Variants in NRXN1 observed in about 807,000 individuals in gnomAD.
NRXN1 encodes neurexin 1, also known as neurexin-1.
In NRXN1, 39 loss-of-function variants were observed where a neutral mutation model predicts 150.9. The observed-to-expected ratio is 0.26, with a 90% CI of 0.20 to 0.34. NRXN1 has a LOEUF of 0.34. Ranked by LOEUF, NRXN1 falls within the 10% of genes least tolerant of loss-of-function variation. NRXN1 has a pLI of 1.00. For synonymous variants in NRXN1, 924 were observed against 757.0 expected, an observed-to-expected ratio of 1.22 and a Z score of -3.62; for missense variants, 1,815 against 1,949.9, an observed-to-expected ratio of 0.93 and a Z score of 1.30.
rs2078064741 is a variant in NRXN1 at position 50,347,151 on chromosome 2, G to A, written c.3365-110181C>T. ...CCGTGCCTAGCACCCCAAACAATCC[G>A]AAACATAGCCGAGGCGAATGCAGCT... On this transcript the variant is annotated intron_variant, in intron 17 of 22. Coordinates refer to ENST00000401669, the MANE Select transcript of NRXN1 (RefSeq NM_001330078.2). The surrounding 1 kb of genome is among the most constrained non-coding windows in gnomAD (Gnocchi z 4.9). 1 of 1,377,822 alleles carries A rather than the reference G, an allele frequency of 7.3e-7. No individual in the cohort carries two copies. 85.3% of individuals were successfully genotyped at this position (1,377,822 alleles called of 1,614,324 possible). A position where few individuals can be genotyped will look rare whatever the true frequency, so the allele number is the denominator to read the frequency against.
At chr2:50,202,523 CA>C (rs530092945) in intron 18 of NRXN1, among the ~76,000 whole-genome samples, 5 of 149,202 alleles carry the variant, frequency 3.4e-5, no homozygotes, top group East Asian at 3.9e-4. Flanking sequence ...CAAAACAAAA[CA>C]AAAAAAAAGG....
At chr2:50,752,567 C>T (rs1021290050) in intron 5 of NRXN1, among the ~76,000 whole-genome samples, 2 of 151,730 alleles carry the variant, frequency 1.3e-5, no homozygotes, top group Non-Finnish European at 2.9e-5. Context: ...CCATCCTTAC[C>T]CATGCTCTGA....
chr2:50,472,829 G>GTGTGTGTA lies in NRXN1; in HGVS notation c.3071-359_3071-358insTACACACA, dbSNP rs746794432. On this transcript the variant is annotated intron_variant, in intron 15 of 22. Transcript: ENST00000401669. The stretch of plus-strand genomic sequence containing the variant: ...TGTGTGTGTGTGTGTGTGTGTGTGT[G>GTGTGTGTA]TATATATATATATAAGTTTCTCTGA... 8.8e-3 allele frequency among the ~76,000 whole-genome samples: 699 copies of GTGTGTGTA among 79,770 alleles called. 2 individuals carry two copies. Among genetic ancestry groups the GTGTGTGTA allele is most frequent in the Middle Eastern group, 0.018 (3 of 166 alleles). 52.3% of individuals were successfully genotyped at this position (79,770 alleles called of 152,430 possible).
intron 8 of NRXN1, among the ~76,000 whole-genome samples, chr2:50,603,435 T>G (rs554910855): frequency 6.6e-6 from 1 of 152,236 alleles, no homozygotes; most frequent in South Asian, 2.1e-4. Flanking sequence ...TTGCCCAACT[T>G]TACTTAAAAG....
intron 16 of NRXN1, chr2:50,466,498 A>G: frequency 2.1e-6 from 1 of 467,458 alleles, no homozygotes; most frequent in Non-Finnish European, 4.4e-6. Context: ...CTTTGTCAGC[A>G]AAATAAAAAA....
intron 8 of NRXN1, among the ~76,000 whole-genome samples, chr2:50,576,225 A>T (rs1459134017): frequency 6.6e-6 from 1 of 152,176 alleles, no homozygotes; most frequent in African/African-American, 2.4e-5. Context: ...GATCAGAAAA[A>T]ATCATATATG....
chr2:50,572,706 T>G (rs1377231959), intron 8 of NRXN1, among the ~76,000 whole-genome samples: 1 of 152,168 alleles, frequency 6.6e-6, no homozygotes, highest in Non-Finnish European at 1.5e-5. Flanking sequence ...TTCTAACAAG[T>G]GATAAACCCT....
At chr2:50,868,141 TTATATATATATA>T (rs70958631) in intron 5 of NRXN1, among the ~76,000 whole-genome samples, 2,651 of 87,614 alleles carry the variant, frequency 0.03, 135 homozygotes, top group African/African-American at 0.086. Context: ...AAACAAAATA[TTATATATATATA>T]TATATATATA....
intron 8 of NRXN1, among the ~76,000 whole-genome samples, chr2:50,569,541 T>TATG (rs1247725750): frequency 6.6e-6 from 1 of 152,160 alleles, no homozygotes; most frequent in Non-Finnish European, 1.5e-5. Context: ...AACACATATG[T>TATG]ATGTGTGTAT....
Position 50,255,411 on chromosome 2 carries a change from G to A in NRXN1, c.3365-18441C>T, listed in dbSNP as rs202121438. Among the ~76,000 whole-genome samples the A allele has an allele frequency of 6.6e-4, 101 of 152,236 alleles. 2 individuals are homozygous for A. The highest frequency in any genetic ancestry group is 5.4e-3 in the Admixed American group (82 of 15,266). On this transcript the variant is annotated intron_variant, in intron 17 of 22. Coordinates refer to ENST00000401669, the MANE Select transcript of NRXN1 (RefSeq NM_001330078.2). ...TGAAATAATTGAAACACAAGAGCAC[G>A]GATTAAAGTACCAAATCAGACATGG...
chr2:50,573,988 G>A (rs1671037395), intron 8 of NRXN1, among the ~76,000 whole-genome samples: 1 of 151,988 alleles, frequency 6.6e-6, no homozygotes, highest in South Asian at 2.1e-4. Flanking sequence ...ATCCCCCTCA[G>A]ATGGTTATAT....
chr2:50,897,919 G>T (rs1355019340), intron 5 of NRXN1, among the ~76,000 whole-genome samples: 1 of 150,904 alleles, frequency 6.6e-6, no homozygotes, highest in Non-Finnish European at 1.5e-5. Context: ...TAAAATTGAT[G>T]ATAGCAAAAA....
intron 17 of NRXN1, among the ~76,000 whole-genome samples, chr2:50,279,624 A>G (rs985563616): frequency 6.6e-6 from 1 of 152,190 alleles, no homozygotes; most frequent in Admixed American, 6.5e-5. Context: ...ATGAAGCTTT[A>G]TAAGTAAATC....
intron 21 of NRXN1, among the ~76,000 whole-genome samples, chr2:50,010,694 C>T (rs1002725732): frequency 6.6e-6 from 1 of 152,008 alleles, no homozygotes; most frequent in Non-Finnish European, 1.5e-5. Flanking sequence ...GTTACACAGC[C>T]CAGCTCCTCA....
At chr2:50,466,533 G>A (rs369756611) in intron 16 of NRXN1, 1 of 458,744 alleles carries the variant, frequency 2.2e-6, no homozygotes, top group Non-Finnish European at 4.4e-6. Context: ...TTAAATGTTA[G>A]TAAGCAATAC....
chr2:50,828,220 C>A (rs1290028195), intron 5 of NRXN1, among the ~76,000 whole-genome samples: 3 of 144,166 alleles, frequency 2.1e-5, no homozygotes, highest in South Asian at 2.3e-4. Flanking sequence ...ACGGGGCGGC[C>A]GGGCAGAGGC....
chr2:50,902,802 C>G (rs1683139919), intron 5 of NRXN1, among the ~76,000 whole-genome samples: 1 of 151,932 alleles, frequency 6.6e-6, no homozygotes. Context: ...GTCATTGTCC[C>G]TTTATCTCAG....
At chr2:50,902,733 T>C (rs1683130389) in intron 5 of NRXN1, among the ~76,000 whole-genome samples, 1 of 152,172 alleles carries the variant, frequency 6.6e-6, no homozygotes, top group African/African-American at 2.4e-5. Context: ...CCTTACTGTG[T>C]AATGTGAAAA....
At chr2:49,941,866 T>C (rs968745234) in intron 22 of NRXN1, among the ~76,000 whole-genome samples, 1 of 152,082 alleles carries the variant, frequency 6.6e-6, no homozygotes, top group African/African-American at 2.4e-5. Context: ...AATGTCCTGG[T>C]GCAAAAGATT....
Sources: gnomAD v4.1 joint callset for allele counts (sites outside exome capture counted in the v4.1 genomes callset) on GRCh38, gnomAD v4.1.1 for gene constraint, Gnocchi (gnomAD v3.1) non-coding constraint, MANE v1.5 for transcripts, NCBI Gene and HGNC (gene_info 2026-07-23, HGNC 2026-07-21) for gene names.